Variants in ESRP1 observed in about 807,000 individuals in gnomAD.
ESRP1 encodes the protein RNA-binding motif protein 35A.
Under a neutral mutation model 81.7 loss-of-function variants are expected in ESRP1, and 33 were observed. The observed-to-expected ratio is 0.40, with a 90% CI of 0.31 to 0.54. The LOEUF (loss-of-function observed/expected upper bound fraction) is 0.54, where lower values mean the gene tolerates loss of function less well. Among genes scored for constraint, ESRP1 ranks in the 20% least tolerant of loss-of-function variants. ESRP1 has a pLI of 0.41. For synonymous variants in ESRP1, 320 were observed against 303.3 expected (o/e 1.06, Z -0.57); for missense variants, 672 against 833.1 (o/e 0.81, Z 2.38).
At chr8:94,658,108 C>T (rs1289157506) in intron 4 of ESRP1, among the ~76,000 whole-genome samples, 1 of 152,182 alleles carries the variant, frequency 6.6e-6, no homozygotes, top group African/African-American at 2.4e-5. Flanking sequence ...GACAGGAGTT[C>T]ACCATGTTGG....
At chr8:94,668,421 G>A in intron 10 of ESRP1, 171 bp downstream of exon 10, 2 of 577,314 alleles carry the variant, frequency 3.5e-6, no homozygotes, top group Non-Finnish European at 5.9e-6. Flanking sequence ...CTGTTATCCT[G>A]TACACACACA....
intron 13 of ESRP1, among the ~76,000 whole-genome samples, chr8:94,684,259 C>G (rs1032639030): frequency 6.6e-6 from 1 of 152,056 alleles, no homozygotes; most frequent in Non-Finnish European, 1.5e-5. Flanking sequence ...AAGTGTTTTC[C>G]TATTTATTTG....
intron 4 of ESRP1, among the ~76,000 whole-genome samples, chr8:94,661,425 C>T (rs1343750914): frequency 1.3e-5 from 2 of 152,118 alleles, no homozygotes; most frequent in Admixed American, 1.3e-4. Flanking sequence ...CAAAACATAA[C>T]TTTTATATGT....
intron 13 of ESRP1, among the ~76,000 whole-genome samples, chr8:94,691,281 C>A (rs894549396): frequency 7.2e-5 from 11 of 151,854 alleles, no homozygotes; most frequent in African/African-American, 1.7e-4. Context: ...AACAAACAAA[C>A]AAAAAAACAC....
At chr8:94,659,780 T>C (rs1474190405) in intron 4 of ESRP1, among the ~76,000 whole-genome samples, 2 of 152,222 alleles carry the variant, frequency 1.3e-5, no homozygotes, top group Non-Finnish European at 2.9e-5. Context: ...TGGGTACCAC[T>C]TGTCATTTAT....
rs1461781459 is a variant in ESRP1, at chr8:94,692,101, T to C, written c.1821-576T>C. ...TGTTAATGGTGATTGATTTAATTTT[T>C]ATGTATCTCTTCCAACGTCCGCCAC... On this transcript the variant is annotated intron_variant, in intron 13 of 15. Coordinates refer to ENST00000433389, the MANE Select transcript of ESRP1 (RefSeq NM_017697.4). Among the ~76,000 whole-genome samples the C allele has an allele frequency of 3.3e-5, 5 of 152,172 alleles. No individual in the cohort carries two copies. In the East Asian group the frequency reaches 9.6e-4, roughly 29 times the overall value.
intron 4 of ESRP1, among the ~76,000 whole-genome samples, chr8:94,651,987 C>CTTTTTTTTTTTTT (rs35903773): frequency 3.1e-5 from 2 of 65,212 alleles, no homozygotes; most frequent in Non-Finnish European, 5.1e-5. Context: ...TCTAAAACGC[C>CTTTTTTTTTTTTT]TTTTTTTTTT....
intron 2 of ESRP1, 116 bp downstream of exon 2, chr8:94,642,200 G>A: frequency 7.6e-7 from 1 of 1,323,226 alleles, no homozygotes; most frequent in Non-Finnish European, 1.0e-6. Context: ...ACGCCTGCCC[G>A]GCCGCGTGGG....
intron 15 of ESRP1, among the ~76,000 whole-genome samples, chr8:94,702,448 A>T (rs73695578): frequency 0.021 from 3,265 of 152,318 alleles, 108 homozygotes; most frequent in African/African-American, 0.073. Context: ...TACATGAAAA[A>T]ATATAAAAAC....
chr8:94,671,288 C>G (rs770945509), intron 10 of ESRP1, among the ~76,000 whole-genome samples, 165 bp from the exon 11 acceptor site: 3 of 152,182 alleles, frequency 2.0e-5, no homozygotes, highest in Non-Finnish European at 2.9e-5. Context: ...GCATGTACTT[C>G]TGAATCACTT....
chr8:94,694,597 C>T (rs1809526114), intron 14 of ESRP1, among the ~76,000 whole-genome samples: 1 of 152,150 alleles, frequency 6.6e-6, no homozygotes, highest in South Asian at 2.1e-4. Context: ...GAACGAGACT[C>T]TGTTTCAGAA....
intron 4 of ESRP1, among the ~76,000 whole-genome samples, chr8:94,654,525 A>C (rs1421528742): frequency 5.3e-5 from 8 of 152,128 alleles, no homozygotes; most frequent in Admixed American, 4.6e-4. Context: ...CTAGGGTATA[A>C]TTGACTTACT....
intron 13 of ESRP1, among the ~76,000 whole-genome samples, chr8:94,691,078 C>G (rs1809384385): frequency 6.6e-6 from 1 of 152,128 alleles, no homozygotes; most frequent in Non-Finnish European, 1.5e-5. Context: ...GGCGAATGTC[C>G]TACTCAGACC....
chr8:94,696,247 A>G (rs1374825050), intron 14 of ESRP1, among the ~76,000 whole-genome samples: 1 of 152,214 alleles, frequency 6.6e-6, no homozygotes, highest in Non-Finnish European at 1.5e-5. Context: ...ACTCTCAGGT[A>G]TCCTTACATA....
At chr8:94,685,919 T>A (rs919563948) in intron 13 of ESRP1, among the ~76,000 whole-genome samples, 3 of 152,186 alleles carry the variant, frequency 2.0e-5, no homozygotes, top group African/African-American at 7.2e-5. Context: ...AATTTTTATT[T>A]ACATTGTGCT....
At chr8:94,677,172 G>A (rs12545684) in intron 12 of ESRP1, among the ~76,000 whole-genome samples, 75,763 of 151,980 alleles carry the variant, frequency 0.5, 20,593 homozygotes, top group South Asian at 0.68. Flanking sequence ...TTAGCTTGCT[G>A]TCTTATTCAT....
chr8:94,659,849 T>A (rs1332956982), intron 4 of ESRP1, among the ~76,000 whole-genome samples: 1 of 151,954 alleles, frequency 6.6e-6, no homozygotes, highest in African/African-American at 2.4e-5. Flanking sequence ...ATGGAGAGAG[T>A]GTGAGTGGTT....
At position 94,700,949 on chromosome 8, in the gene ESRP1, GTGTA is replaced by G. The variant is rs1289291879; in HGVS notation, c.*35+3992_*35+3995del. 2.3e-3 allele frequency among the ~76,000 whole-genome samples: 257 copies of G among 111,044 alleles called. 2 individuals carry two copies. Among genetic ancestry groups the G allele is most frequent in the African/African-American group, 0.012 (224 of 19,086 alleles). The allele number at this position is 111,044 out of a possible 152,430, so 72.8% of individuals were successfully genotyped here. On this transcript the variant is annotated intron_variant, in intron 15 of 15. Coordinates refer to ENST00000433389, the MANE Select transcript of ESRP1 (RefSeq NM_017697.4). Reference sequence around the variant, plus strand: ...GACTCAAAAAAAAATGTGTGTGTGTGTGTATGTGTGTGTGTGTGTGTGTGTGTGT... The same window carrying G: ...GACTCAAAAAAAAATGTGTGTGTGTGTGTGTGTGTGTGTGTGTGTGTGTGT...
At chr8:94,700,121 C>A (rs979107551) in intron 15 of ESRP1, among the ~76,000 whole-genome samples, 3 of 152,184 alleles carry the variant, frequency 2.0e-5, no homozygotes, top group Non-Finnish European at 4.4e-5. Flanking sequence ...ACAAAAAGAT[C>A]CAGGCCTTCT....
Sources: allele counts gnomAD v4.1 joint callset (sites outside exome capture counted in the v4.1 genomes callset), GRCh38; gene constraint gnomAD v4.1.1; transcripts MANE v1.5; gene names NCBI Gene and HGNC (gene_info 2026-07-23, HGNC 2026-07-21).